Variants in KHDRBS2 observed in about 807,000 individuals in gnomAD.
The protein encoded by KHDRBS2 is KH RNA binding domain containing, signal transduction associated 2, also known as KH domain-containing, RNA-binding, signal transduction-associated protein 2.
In KHDRBS2, 26 loss-of-function variants were observed where a neutral mutation model predicts 44.3. The ratio of observed to expected loss-of-function variants is 0.59; its 90% confidence interval spans 0.43 to 0.81. KHDRBS2 has a LOEUF of 0.81. Ranked by LOEUF, KHDRBS2 falls within the 40% of genes least tolerant of loss-of-function variation. KHDRBS2 has a pLI of 0.00. For synonymous variants in KHDRBS2, 194 were observed against 151.1 expected, an observed-to-expected ratio of 1.28 and a Z score of -2.08; for missense variants, 476 against 433.1, an observed-to-expected ratio of 1.10 and a Z score of -0.88.
intron 1 of KHDRBS2, among the ~76,000 whole-genome samples, chr6:62,247,421 A>G (rs1348263411): frequency 6.6e-6 from 1 of 152,020 alleles, no homozygotes; most frequent in Non-Finnish European, 1.5e-5. Flanking sequence ...ATATTATTTA[A>G]CACAAACAAG....
At chr6:62,233,135 C>T (rs1434522643) in intron 1 of KHDRBS2, among the ~76,000 whole-genome samples, 1 of 152,136 alleles carries the variant, frequency 6.6e-6, no homozygotes, top group Non-Finnish European at 1.5e-5. Context: ...AAGAGGGTAG[C>T]TTCCTCAGAA....
downstream of KHDRBS2, among the ~76,000 whole-genome samples, chr6:61,677,287 A>G (rs1293943782): frequency 6.6e-6 from 1 of 151,916 alleles, no homozygotes; most frequent in Admixed American, 6.6e-5. Flanking sequence ...TTTGAAATGG[A>G]TAAAAGAGAA....
the KHDRBS2 span, among the ~76,000 whole-genome samples, chr6:61,561,402 C>T: frequency 6.6e-6 from 1 of 152,180 alleles, no homozygotes; most frequent in Admixed American, 6.6e-5. Flanking sequence ...AGCCCTATGG[C>T]TTAAAAATCA....
intron 3 of KHDRBS2, among the ~76,000 whole-genome samples, chr6:62,046,604 T>C (rs967173754): frequency 2.0e-5 from 3 of 151,902 alleles, no homozygotes; most frequent in Admixed American, 1.3e-4. Flanking sequence ...AAAGAATACA[T>C]GAAAGTACAG....
chr6:61,888,678 C>T (rs1291248816), intron 6 of KHDRBS2, among the ~76,000 whole-genome samples: 3 of 151,418 alleles, frequency 2.0e-5, no homozygotes, highest in Non-Finnish European at 4.4e-5. Flanking sequence ...TCTCCTGCCT[C>T]AGCCTCCCGA....
chr6:61,923,183 G>A (rs182042243), intron 4 of KHDRBS2, among the ~76,000 whole-genome samples: 1 of 152,116 alleles, frequency 6.6e-6, no homozygotes, highest in Non-Finnish European at 1.5e-5. Context: ...ATTAATAAAT[G>A]TAAAGACGTA....
At chr6:61,817,027 C>T in intron 6 of KHDRBS2, 2 of 455,248 alleles carry the variant, frequency 4.4e-6, no homozygotes, top group Non-Finnish European at 8.8e-6. Flanking sequence ...AGGAGAGGTA[C>T]AGAGGTATGA....
At chr6:62,142,381 T>C (rs924661958) in intron 2 of KHDRBS2, among the ~76,000 whole-genome samples, 13 of 152,108 alleles carry the variant, frequency 8.5e-5, no homozygotes, top group African/African-American at 3.1e-4. Context: ...TGTACAACTG[T>C]ACAACCTTCC....
chr6:62,242,441 G>A (rs1834830083), intron 1 of KHDRBS2, among the ~76,000 whole-genome samples: 1 of 152,070 alleles, frequency 6.6e-6, no homozygotes. Context: ...ATATTTAGCA[G>A]CATCCCTGGC....
rs79464407 is a variant in KHDRBS2 at position 61,761,844 on chromosome 6, G to A, written c.811-29080C>T. On this transcript the variant is annotated intron_variant, in intron 6 of 8. Transcript: ENST00000281156. ...AACTAAATTAGGATGCCCTGACACC[G>A]TAAAATTGCATAGGATCTAATTCAT... 4.4e-3 allele frequency among the ~76,000 whole-genome samples: 672 copies of A among 152,164 alleles called. 9 individuals carry two copies. The highest frequency in any genetic ancestry group is 0.015 in the African/African-American group (640 of 41,532).
intron 1 of KHDRBS2, among the ~76,000 whole-genome samples, chr6:62,233,908 C>T (rs915794096): frequency 1.3e-5 from 2 of 152,048 alleles, no homozygotes; most frequent in Non-Finnish European, 2.9e-5. Flanking sequence ...TAGGTTGATT[C>T]CATGTCTCTG....
the KHDRBS2 span, among the ~76,000 whole-genome samples, chr6:61,581,143 T>C: frequency 6.6e-6 from 1 of 152,190 alleles, no homozygotes; most frequent in Non-Finnish European, 1.5e-5. Flanking sequence ...ACTCAGGCTG[T>C]AGAACATGTT....
chr6:62,160,466 T>C (rs1817386489), intron 2 of KHDRBS2, among the ~76,000 whole-genome samples: 1 of 152,122 alleles, frequency 6.6e-6, no homozygotes, highest in Non-Finnish European at 1.5e-5. Flanking sequence ...ACAAAATGAA[T>C]AAACAAGGCA....
intron 7 of KHDRBS2, among the ~76,000 whole-genome samples, chr6:61,697,941 G>T (rs537579928): frequency 1.3e-5 from 2 of 151,966 alleles, no homozygotes; most frequent in African/African-American, 2.4e-5. Flanking sequence ...TTTCTTATCC[G>T]TAAAAAGCTC....
chr6:61,945,100 AAAAAAAAAAAAAGTAT>A lies in KHDRBS2; in HGVS notation c.483+32950_483+32965del, dbSNP rs1215355843. 2.9e-4 allele frequency among the ~76,000 whole-genome samples: 15 copies of A among 52,474 alleles called. 1 individual carries two copies. Among genetic ancestry groups the A allele is most frequent in the East Asian group, 1.1e-3 (2 of 1,788 alleles). The allele number at this position is 52,474 out of a possible 152,430, so 34.4% of individuals were successfully genotyped here. A position where few individuals can be genotyped will look rare whatever the true frequency, so the allele number is the denominator to read the frequency against. ...AGTGAGACTCTGTCTTAAAAAAAAA[AAAAAAAAAAAAAGTAT>A]ATATATATATATATATATATATATA... On this transcript the variant is annotated intron_variant, in intron 4 of 8. Transcript: ENST00000281156.
intron 6 of KHDRBS2, among the ~76,000 whole-genome samples, chr6:61,753,651 G>T (rs539623165): frequency 1.3e-5 from 2 of 152,240 alleles, no homozygotes; most frequent in East Asian, 3.9e-4. Flanking sequence ...AAGAGGAAAA[G>T]TGGGGATATG....
At chr6:61,545,398 T>A in the KHDRBS2 span, among the ~76,000 whole-genome samples, 1 of 152,054 alleles carries the variant, frequency 6.6e-6, no homozygotes, top group East Asian at 1.9e-4. Flanking sequence ...ATTATGTGGA[T>A]CCTCTGCTTC....
intron 1 of KHDRBS2, among the ~76,000 whole-genome samples, chr6:62,249,554 C>A (rs760448131): frequency 5.3e-5 from 8 of 151,956 alleles, no homozygotes; most frequent in Non-Finnish European, 1.2e-4. Flanking sequence ...CATTAATTTT[C>A]TCTTCCCTTA....
intron 6 of KHDRBS2, among the ~76,000 whole-genome samples, chr6:61,866,408 C>T (rs1220862712): frequency 6.6e-6 from 1 of 152,206 alleles, no homozygotes; most frequent in South Asian, 2.1e-4. Flanking sequence ...ATGGTTGGAG[C>T]AGCTCGGATG....
Sources: allele counts gnomAD v4.1 joint callset (sites outside exome capture counted in the v4.1 genomes callset), GRCh38; gene constraint gnomAD v4.1.1; transcripts MANE v1.5; gene names NCBI Gene and HGNC (gene_info 2026-07-23, HGNC 2026-07-21).